TASOR: variants seen among roughly 807,000 people sequenced by gnomAD.
The protein encoded by TASOR is transcription activation suppressor.
Under a neutral mutation model 178.6 loss-of-function variants are expected in TASOR, and 53 were observed. The observed-to-expected ratio is 0.30, with a 90% CI of 0.24 to 0.37. The LOEUF (loss-of-function observed/expected upper bound fraction) is 0.37. Ranked by LOEUF, TASOR falls within the 10% of genes least tolerant of loss-of-function variation. TASOR has a pLI of 1.00. For missense variants in TASOR, 1,815 were observed against 1,971.4 expected (o/e 0.92, Z 1.50); for synonymous variants, 713 against 696.2 (o/e 1.02, Z -0.38).
rs9858728 is a variant in TASOR at position 56,660,849 on chromosome 3, A to G, written c.1265-15T>C. On this transcript the variant is annotated splice_polypyrimidine_tract_variant and intron_variant, in intron 10 of 23. Coordinates refer to ENST00000683822, the MANE Select transcript of TASOR (RefSeq NM_001365635.2). ...ATTCTTCAAAACTGACATAAGAAAAATACATAGTAAATATCCAAATCAAGT... is the reference window on the plus strand; with the variant it reads ...ATTCTTCAAAACTGACATAAGAAAAGTACATAGTAAATATCCAAATCAAGT... 504,802 of 1,610,948 alleles carry G rather than the reference A, an allele frequency of 0.31. 81,789 individuals are homozygous for G. The highest frequency in any genetic ancestry group is 0.49 in the Admixed American group (29,479 of 59,808).
chr3:56,680,403 G>A (rs779136702), intron 1 of TASOR, among the ~76,000 whole-genome samples: 3 of 152,064 alleles, frequency 2.0e-5, no homozygotes, highest in Non-Finnish European at 4.4e-5. Context: ...TCACACTACT[G>A]GGAAGACCAA....
intron 7 of TASOR, among the ~76,000 whole-genome samples, chr3:56,665,584 C>T (rs1447250430): frequency 6.6e-6 from 1 of 152,030 alleles, no homozygotes; most frequent in African/African-American, 2.4e-5. Context: ...TTCTTGAACT[C>T]CTGACCTCAG....
In TASOR at chr3:56,621,674, G is replaced by A; in HGVS notation, c.*1363C>T. On this transcript the variant is annotated 3_prime_UTR_variant, in exon 24 of 24. Transcript: ENST00000683822. ...TTGTGTCTTCCAAATTATAAAATGT[G>A]CTCACTGGCTCAACTGTATTTTTCA... 1.7e-6 allele frequency: 2 copies of A among 1,192,930 alleles called. No individual in the cohort carries two copies. The highest frequency in any genetic ancestry group is 1.4e-5 in the South Asian group (1 of 73,252). The allele number at this position is 1,192,930 out of a possible 1,614,324, so 73.9% of individuals were successfully genotyped here.
intron 1 of TASOR, 40 bp downstream of exon 1, chr3:56,682,636 G>C: frequency 7.1e-7 from 1 of 1,412,678 alleles, no homozygotes; most frequent in Non-Finnish European, 9.4e-7. Flanking sequence ...AAAGATGGAG[G>C]GGAGAGAGAG....
At chr3:56,647,801 AT>A (rs776730552) in intron 13 of TASOR, among the ~76,000 whole-genome samples, 3 of 152,218 alleles carry the variant, frequency 2.0e-5, no homozygotes, top group Non-Finnish European at 4.4e-5. Context: ...AGTGCCAAAA[AT>A]TCTCATTAAT....
chr3:56,624,708 C>A, intron 22 of TASOR, 65 bp from the exon 23 acceptor site: 1 of 1,552,466 alleles, frequency 6.4e-7, no homozygotes, highest in South Asian at 1.2e-5. Flanking sequence ...CTAGCCCTCA[C>A]AAAATCTTTT....
At position 56,622,775 on chromosome 3, in the gene TASOR, A is replaced by G; in HGVS notation, c.*262T>C. Reference sequence around the variant, plus strand: ...AAGCATCTGATTTTACACATAAAACAGGCTTCAATTTGAAGCCTAAGTACA... The same window carrying G: ...AAGCATCTGATTTTACACATAAAACGGGCTTCAATTTGAAGCCTAAGTACA... On this transcript the variant is annotated 3_prime_UTR_variant, in exon 24 of 24. Coordinates refer to ENST00000683822, the MANE Select transcript of TASOR (RefSeq NM_001365635.2). 4.1e-6 allele frequency: 1 copy of G among 244,664 alleles called. No individual in the cohort carries two copies. The allele number at this position is 244,664 out of a possible 1,614,324, so 15.2% of individuals were successfully genotyped here. A position where few individuals can be genotyped will look rare whatever the true frequency, so the allele number is the denominator to read the frequency against.
intron 1 of TASOR, among the ~76,000 whole-genome samples, chr3:56,675,809 C>T (rs1405394919): frequency 6.6e-6 from 1 of 152,198 alleles, no homozygotes; most frequent in African/African-American, 2.4e-5. Flanking sequence ...ATGCAGCGAA[C>T]CGTTATCTTT....
intron 21 of TASOR, among the ~76,000 whole-genome samples, chr3:56,625,413 C>T (rs1489357853): frequency 3.9e-5 from 6 of 152,104 alleles, no homozygotes; most frequent in African/African-American, 1.4e-4. Context: ...TTTGGGAGGC[C>T]AAAGCAGTTG....
At chr3:56,681,320 C>T (rs565924144) in intron 1 of TASOR, among the ~76,000 whole-genome samples, 59 of 152,238 alleles carry the variant, frequency 3.9e-4, no homozygotes, top group African/African-American at 1.4e-3. Context: ...ACTAAATACA[C>T]GAAAAGAACT....
chr3:56,676,100 T>G (rs1411845276), intron 1 of TASOR, among the ~76,000 whole-genome samples: 1 of 152,240 alleles, frequency 6.6e-6, no homozygotes, highest in African/African-American at 2.4e-5. Context: ...ATCAAACTTG[T>G]AGCAGACGAA....
chr3:56,633,071 T>C lies in TASOR; in HGVS notation c.3720A>G (p.Glu1240=). Residue 1240 remains glutamate (E), a synonymous_variant, in exon 18 of 24, where the codon GAA becomes GAG. Transcript: ENST00000683822. ...TTATTTCTTTACAGAGCACACTCTC[T>C]TCTTCTTCATGAATATAAAATTTCA... The part of the protein sequence containing the change: ...NTVKFYIHEE[E]ESVLCKEIKE... 2 of 1,603,466 alleles carry C rather than the reference T, an allele frequency of 1.2e-6. No homozygotes were observed. The highest frequency in any genetic ancestry group is 1.7e-6 in the Non-Finnish European group (2 of 1,176,378).
intron 1 of TASOR, 76 bp from the exon 2 acceptor site, chr3:56,673,801 T>G: frequency 7.9e-7 from 1 of 1,264,246 alleles, no homozygotes; most frequent in Non-Finnish European, 1.1e-6. Flanking sequence ...TTTTTGTGGG[T>G]TAATGTAACT....
rs772816378 is a variant in TASOR at position 56,621,529 on chromosome 3, C to G, written c.*1508G>C. The G allele has an allele frequency of 1.9e-6, 3 of 1,579,446 alleles. No individual in the cohort carries two copies. The highest frequency in any genetic ancestry group is 2.6e-6 in the Non-Finnish European group (3 of 1,162,958). ...TAACAAACATATATCAATGTGATTT[C>G]AGGGCCTTCTCCAGAAGCAAAAGGA... On this transcript the variant is annotated 3_prime_UTR_variant, in exon 24 of 24. Coordinates refer to ENST00000683822, the MANE Select transcript of TASOR (RefSeq NM_001365635.2).
At chr3:56,681,747 C>T (rs1251030878) in intron 1 of TASOR, among the ~76,000 whole-genome samples, 1 of 152,108 alleles carries the variant, frequency 6.6e-6, no homozygotes, top group East Asian at 1.9e-4. Context: ...AAAAATAATA[C>T]CCCAATAACA....
rs1215768997 is a variant in TASOR at position 56,683,186 on chromosome 3, C to T, written c.-180G>A. On this transcript the variant is annotated 5_prime_UTR_variant, in exon 1 of 24. Transcript: ENST00000683822. ...CTTGGGGGGCCCTGTAGCGGGCACC[C>T]CAAATGCGCTGCCCGGTCCTCGGAG... 4.9e-6 allele frequency: 3 copies of T among 608,388 alleles called. No homozygotes were observed. Among genetic ancestry groups the T allele is most frequent in the Non-Finnish European group, 8.3e-6 (3 of 362,646 alleles). The allele number at this position is 608,388 out of a possible 1,614,324, so 37.7% of individuals were successfully genotyped here.
At chr3:56,669,828 T>C in intron 4 of TASOR, 37 bp from the exon 5 acceptor site, 1 of 1,411,954 alleles carries the variant, frequency 7.1e-7, no homozygotes, top group Non-Finnish European at 9.6e-7. Context: ...ACTGATTATA[T>C]TTTTCAAAAT....
chr3:56,666,142 C>T lies in TASOR; in HGVS notation c.1022+118G>A, dbSNP rs531591499. On this transcript the variant is annotated intron_variant, in intron 7 of 23. Transcript: ENST00000683822. The stretch of plus-strand genomic sequence containing the variant: ...AAACACTTCAGTCTCCAACCAACTT[C>T]AAGGGAAGTTAAAAAAAAAAAAATG... 8 of 760,042 alleles carry T rather than the reference C, an allele frequency of 1.1e-5. No homozygotes were observed. The African/African-American group carries it at 2.1e-4, about 20-fold the overall frequency. 47.1% of individuals were successfully genotyped at this position (760,042 alleles called of 1,614,324 possible).
At position 56,633,252 on chromosome 3, in the gene TASOR, C is replaced by T; in HGVS notation, c.3539G>A (p.Gly1180Asp). 1 of 1,614,102 alleles carries T rather than the reference C, an allele frequency of 6.2e-7. No homozygotes were observed. Among genetic ancestry groups the T allele is most frequent in the South Asian group, 1.1e-5 (1 of 91,062 alleles). Reference sequence around the variant, plus strand: ...TTCTACTGGTTCCCGGGCCATATCACCAGGTACAATATGATCAGAAGTCAC... The same window carrying T: ...TTCTACTGGTTCCCGGGCCATATCATCAGGTACAATATGATCAGAAGTCAC... Reference protein sequence around the residue: ...LMVTSDHIVPGDMAREPVEET... With the variant: ...LMVTSDHIVPDDMAREPVEET... The change falls in exon 18 of 24, where the codon GGT becomes GAT. Residue 1180 changes from glycine to aspartate, a missense_variant. Physicochemically the swap from Gly to Asp is moderately conservative, Grantham distance 94. Coordinates refer to ENST00000683822, the MANE Select transcript of TASOR (RefSeq NM_001365635.2).
Sources: allele counts gnomAD v4.1 joint callset (sites outside exome capture counted in the v4.1 genomes callset), GRCh38; gene constraint gnomAD v4.1.1; transcripts MANE v1.5; gene names NCBI Gene and HGNC (gene_info 2026-07-23, HGNC 2026-07-21).